Variants in GRID2 observed in about 807,000 individuals in gnomAD.
The protein encoded by GRID2 is glutamate ionotropic receptor delta type subunit 2.
A neutral mutation model predicts 114.8 loss-of-function variants in GRID2; 33 were observed. The ratio of observed to expected loss-of-function variants is 0.29; its 90% CI spans 0.22 to 0.38. The LOEUF is 0.38. GRID2 is among the 10% of genes least tolerant of loss of function. The probability of loss-of-function intolerance (pLI) is 1.00; values close to 1 mark genes in which losing one functional copy is unlikely to be tolerated. For synonymous variants in GRID2, 505 were observed against 449.9 expected (o/e 1.12, Z -1.55); for missense variants, 1,184 against 1,257.7 (o/e 0.94, Z 0.89).
At chr4:93,240,142 G>C (rs891979385) in intron 8 of GRID2, among the ~76,000 whole-genome samples, 1 of 151,444 alleles carries the variant, frequency 6.6e-6, no homozygotes, top group Non-Finnish European at 1.5e-5. Flanking sequence ...TATTTCTGTA[G>C]GTTTTGTATC....
chr4:92,885,987 G>C (rs1022204906), intron 2 of GRID2, among the ~76,000 whole-genome samples: 7 of 152,090 alleles, frequency 4.6e-5, no homozygotes, highest in South Asian at 2.1e-4. Context: ...TAAGCTAAAT[G>C]TTCTTAATGC....
At chr4:93,057,843 G>C (rs1008430874) in intron 2 of GRID2, among the ~76,000 whole-genome samples, 1 of 151,904 alleles carries the variant, frequency 6.6e-6, no homozygotes. Flanking sequence ...GCTCAGGTAG[G>C]ATTGCTAGGC....
At chr4:92,644,881 A>G (rs1460678879) in intron 2 of GRID2, among the ~76,000 whole-genome samples, 1 of 151,530 alleles carries the variant, frequency 6.6e-6, no homozygotes, top group Non-Finnish European at 1.5e-5. Context: ...ATTTATGTGC[A>G]ACAGATATGT....
chr4:92,810,435 G>A (rs527546216), intron 2 of GRID2, among the ~76,000 whole-genome samples: 11 of 151,856 alleles, frequency 7.2e-5, no homozygotes, highest in South Asian at 2.1e-4. Flanking sequence ...TACACAGTTC[G>A]TCTATTTAAC....
intron 2 of GRID2, among the ~76,000 whole-genome samples, chr4:93,009,575 A>C (rs2149228963): frequency 6.6e-6 from 1 of 152,248 alleles, no homozygotes; most frequent in Non-Finnish European, 1.5e-5. Context: ...AAAATCAGTA[A>C]TTTGAATTAA....
chr4:93,726,587 T>G (rs1177138125), intron 14 of GRID2, among the ~76,000 whole-genome samples: 1 of 152,196 alleles, frequency 6.6e-6, no homozygotes, highest in Non-Finnish European at 1.5e-5. Context: ...GTATGGCCAT[T>G]TTCACGATAT....
intron 2 of GRID2, among the ~76,000 whole-genome samples, chr4:92,849,584 T>A (rs572678902): frequency 1.3e-5 from 2 of 152,050 alleles, no homozygotes; most frequent in African/African-American, 4.8e-5. Flanking sequence ...TGTCAGCTTC[T>A]AGAAACATTC....
At chr4:93,696,118 T>G (rs1726996631) in intron 14 of GRID2, among the ~76,000 whole-genome samples, 1 of 152,224 alleles carries the variant, frequency 6.6e-6, no homozygotes, top group African/African-American at 2.4e-5. Flanking sequence ...ATATTCCACA[T>G]GTTTTTCCCA....
intron 2 of GRID2, among the ~76,000 whole-genome samples, chr4:92,882,521 G>A (rs1363086849): frequency 1.3e-5 from 2 of 151,572 alleles, no homozygotes; most frequent in Non-Finnish European, 2.9e-5. Context: ...AATTTCAAAT[G>A]CCTAGAACTA....
At chr4:92,992,788 T>C (rs1201540102) in intron 2 of GRID2, among the ~76,000 whole-genome samples, 1 of 152,134 alleles carries the variant, frequency 6.6e-6, no homozygotes, top group African/African-American at 2.4e-5. Flanking sequence ...GACTTGAACA[T>C]TATTAAACTT....
At chr4:93,744,830 A>T (rs1262815928) in intron 14 of GRID2, among the ~76,000 whole-genome samples, 7 of 152,126 alleles carry the variant, frequency 4.6e-5, no homozygotes, top group African/African-American at 1.4e-4. Context: ...AGCAACCCTC[A>T]TTGTTATCTT....
At chr4:93,003,643 G>C (rs952102104) in intron 2 of GRID2, among the ~76,000 whole-genome samples, 1 of 151,902 alleles carries the variant, frequency 6.6e-6, no homozygotes, top group Non-Finnish European at 1.5e-5. Flanking sequence ...CATGTTAATA[G>C]CGGTGCTGGT....
At chr4:92,573,256 C>A (rs956843201) in intron 1 of GRID2, among the ~76,000 whole-genome samples, 1 of 150,536 alleles carries the variant, frequency 6.6e-6, no homozygotes, top group East Asian at 1.9e-4. Context: ...TTATTTTTTT[C>A]AAAAAAACAG....
rs1725789830 is a variant in GRID2, at chr4:92,313,086, TGTG to T, written c.88+8343_88+8345del. Among the ~76,000 whole-genome samples, 3 of 19,364 alleles carry T rather than the reference TGTG, an allele frequency of 1.5e-4. No homozygotes were observed. In the South Asian group the frequency reaches 4.1e-3, roughly 26 times the overall value. 12.7% of individuals were successfully genotyped at this position (19,364 alleles called of 152,430 possible). A position where few individuals can be genotyped will look rare whatever the true frequency, so the allele number is the denominator to read the frequency against. The stretch of plus-strand genomic sequence containing the variant: ...GTGGATAAAGAAACTCTGATATGTG[TGTG>T]TGTGTGTGTGTGTGTGTGTGTGTGT... On this transcript the variant is annotated intron_variant, in intron 1 of 15. Coordinates refer to ENST00000282020, the MANE Select transcript of GRID2 (RefSeq NM_001510.4).
intron 2 of GRID2, among the ~76,000 whole-genome samples, chr4:92,970,936 T>TAC (rs1027024826): frequency 1.3e-5 from 2 of 151,926 alleles, no homozygotes; most frequent in African/African-American, 4.8e-5. Flanking sequence ...TATATATATA[T>TAC]ACACACACAT....
rs183629714 is a variant in GRID2, at chr4:92,741,487, T to A, written c.244+151201T>A. Among the ~76,000 whole-genome samples, 93 of 152,320 alleles carry A rather than the reference T, an allele frequency of 6.1e-4. 1 individual carries two copies. The East Asian group carries it at 0.016, about 26-fold the overall frequency. On this transcript the variant is annotated intron_variant, in intron 2 of 15. Coordinates refer to ENST00000282020, the MANE Select transcript of GRID2 (RefSeq NM_001510.4). ...TCTTACTTGTATATGAAATCCTACA[T>A]GCCATCCAAACTAAACCCATGTTTG...
At chr4:92,497,903 T>C (rs1289185105) in intron 1 of GRID2, among the ~76,000 whole-genome samples, 4 of 151,886 alleles carry the variant, frequency 2.6e-5, no homozygotes, top group Non-Finnish European at 5.9e-5. Flanking sequence ...AAAATTATCA[T>C]TGCTTTTCAA....
intron 1 of GRID2, among the ~76,000 whole-genome samples, chr4:92,540,970 C>A (rs13124888): frequency 6.6e-6 from 1 of 152,020 alleles, no homozygotes; most frequent in Non-Finnish European, 1.5e-5. Context: ...GCCATAAAAA[C>A]GGATGAGTTC....
chr4:93,064,491 A>C (rs1342668068), intron 2 of GRID2, among the ~76,000 whole-genome samples: 1 of 151,812 alleles, frequency 6.6e-6, no homozygotes, highest in East Asian at 1.9e-4. Context: ...ACCAGTGTGG[A>C]TTGTTTCTCT....
Sources: gnomAD v4.1 joint callset for allele counts (sites outside exome capture counted in the v4.1 genomes callset) on GRCh38, gnomAD v4.1.1 for gene constraint, MANE v1.5 for transcripts, NCBI Gene and HGNC (gene_info 2026-07-23, HGNC 2026-07-21) for gene names.